GARRE1: variants seen among roughly 807,000 people sequenced by gnomAD.
GARRE1 encodes the protein granule associated Rac and RHOG effector protein 1.
GARRE1 carries 49 observed loss-of-function variants against 103.2 expected under a neutral mutation model. The observed-to-expected ratio is 0.47, with a 90% CI of 0.38 to 0.60. The LOEUF is 0.60. GARRE1 is among the 20% of genes least tolerant of loss of function. The pLI is 0.00. For synonymous variants in GARRE1, 505 were observed against 532.8 expected (o/e 0.95, Z 0.72); for missense variants, 1,199 against 1,370.5 (o/e 0.87, Z 1.98).
intron 1 of GARRE1, among the ~76,000 whole-genome samples, chr19:34,294,729 G>A (rs550652346): frequency 3.1e-3 from 469 of 152,172 alleles, no homozygotes; most frequent in African/African-American, 0.011. Flanking sequence ...TTTTCAGACA[G>A]AGTCTCTCTC....
rs530387778 is a variant in GARRE1, at chr19:34,339,996, G to A, written c.1487+4G>A. On this transcript the variant is annotated splice_donor_region_variant and intron_variant, in intron 9 of 13. Coordinates refer to ENST00000299505, the MANE Select transcript of GARRE1 (RefSeq NM_014686.5). The stretch of plus-strand genomic sequence containing the variant: ...TAAACCGCTGGAGGGCTGGAAGGTT[G>A]GTGTCTGTGGTTTGCATTAGATGCA... 1 of 1,614,172 alleles carries A rather than the reference G, an allele frequency of 6.2e-7. No individual in the cohort carries two copies. The highest frequency in any genetic ancestry group is 1.1e-5 in the South Asian group (1 of 91,088).
At chr19:34,280,548 T>C (rs560286238) in intron 1 of GARRE1, among the ~76,000 whole-genome samples, 46 of 152,286 alleles carry the variant, frequency 3.0e-4, no homozygotes, top group African/African-American at 9.9e-4. Context: ...CCTAAAAGTT[T>C]TGATTTTGAA....
At chr19:34,341,366 T>G in intron 9 of GARRE1, 56 bp from the exon 10 acceptor site, 1 of 1,429,698 alleles carries the variant, frequency 7.0e-7, no homozygotes, top group Non-Finnish European at 9.5e-7. Context: ...AGAGGTCCAT[T>G]TTATTATTTT....
intron 3 of GARRE1, among the ~76,000 whole-genome samples, chr19:34,320,883 T>C (rs2074084363): frequency 6.8e-6 from 1 of 147,096 alleles, no homozygotes; most frequent in African/African-American, 2.5e-5. Flanking sequence ...CCACCATGTC[T>C]AGCTTATTAT....
intron 6 of GARRE1, among the ~76,000 whole-genome samples, chr19:34,328,424 G>A (rs1227341633): frequency 1.3e-5 from 2 of 151,562 alleles, no homozygotes; most frequent in Admixed American, 6.6e-5. Flanking sequence ...AGCTGTTCGG[G>A]AAGCTGAGGC....
chr19:34,302,551 C>T (rs928413517), intron 2 of GARRE1, among the ~76,000 whole-genome samples: 1 of 152,004 alleles, frequency 6.6e-6, no homozygotes, highest in African/African-American at 2.4e-5. Context: ...GCCTCAGCGT[C>T]CCAAAGTGTT....
chr19:34,330,005 A>G (rs372267826), intron 6 of GARRE1, among the ~76,000 whole-genome samples, 184 bp from the exon 7 acceptor site: 3 of 152,176 alleles, frequency 2.0e-5, no homozygotes, highest in Non-Finnish European at 4.4e-5. Flanking sequence ...GAATCACATA[A>G]GCCTGAGGGG....
rs1164199551 is a variant in GARRE1, at chr19:34,306,310, A to C, written c.495+5342A>C. ...AAGCTCTGGATTCGAGAGTATTCAA[A>C]TATTTGACCATTTAAGAGTTAGGAC... On this transcript the variant is annotated intron_variant, in intron 2 of 13. Transcript: ENST00000299505. Among the ~76,000 whole-genome samples the C allele has an allele frequency of 2.6e-5, 4 of 152,344 alleles. No homozygotes were observed. The East Asian group carries it at 5.8e-4, about 22-fold the overall frequency.
intron 8 of GARRE1, among the ~76,000 whole-genome samples, chr19:34,335,066 T>C (rs945173520): frequency 5.9e-5 from 9 of 151,478 alleles, no homozygotes; most frequent in African/African-American, 1.9e-4. Flanking sequence ...AAAACCGTTA[T>C]GATGTCATTT....
chr19:34,280,717 G>A (rs1419520680), intron 1 of GARRE1, among the ~76,000 whole-genome samples: 2 of 151,958 alleles, frequency 1.3e-5, no homozygotes, highest in Non-Finnish European at 1.5e-5. Context: ...ATCGTTAATG[G>A]CACTTATTTT....
intron 1 of GARRE1, among the ~76,000 whole-genome samples, chr19:34,265,019 T>C (rs73580709): frequency 0.019 from 2,899 of 152,214 alleles, 102 homozygotes; most frequent in African/African-American, 0.066. Flanking sequence ...TCTGGGCCAC[T>C]GTCAGTTAAG....
At chr19:34,345,648 C>T (rs960544364) in intron 10 of GARRE1, among the ~76,000 whole-genome samples, 1 of 152,038 alleles carries the variant, frequency 6.6e-6, no homozygotes, top group Non-Finnish European at 1.5e-5. Flanking sequence ...GGCGAAACCC[C>T]GTCTCTACCA....
chr19:34,322,029 G>A (rs2074091799), intron 3 of GARRE1, among the ~76,000 whole-genome samples: 1 of 152,132 alleles, frequency 6.6e-6, no homozygotes, highest in Non-Finnish European at 1.5e-5. Flanking sequence ...GGGGATTCTA[G>A]CCTAGCGCAG....
At position 34,309,037 on chromosome 19, in the gene GARRE1, C is replaced by T. The variant is rs546844186; in HGVS notation, c.495+8069C>T. Among the ~76,000 whole-genome samples, 8 of 151,372 alleles carry T rather than the reference C, an allele frequency of 5.3e-5. No homozygotes were observed. The South Asian group carries it at 1.7e-3, about 32-fold the overall frequency. Reference sequence around the variant, plus strand: ...CTGATGTGCTGCAGCAAGAACCGCACAACACATCTAATATTAATAATATTC... The same window carrying T: ...CTGATGTGCTGCAGCAAGAACCGCATAACACATCTAATATTAATAATATTC... On this transcript the variant is annotated intron_variant, in intron 2 of 13. Coordinates refer to ENST00000299505, the MANE Select transcript of GARRE1 (RefSeq NM_014686.5).
At chr19:34,298,790 G>C (rs1189586511) in intron 1 of GARRE1, among the ~76,000 whole-genome samples, 1 of 152,208 alleles carries the variant, frequency 6.6e-6, no homozygotes, top group African/African-American at 2.4e-5. Context: ...TGGGAGAGCA[G>C]ATGGTTTCAA....
In GARRE1 at chr19:34,331,956, A is replaced by T. The variant is rs539766804; in HGVS notation, c.1263+1609A>T. Among the ~76,000 whole-genome samples, 246 of 151,108 alleles carry T rather than the reference A, an allele frequency of 1.6e-3. 2 individuals are homozygous for T. The highest frequency in any genetic ancestry group is 1.7e-3 in the Non-Finnish European group (118 of 67,878). On this transcript the variant is annotated intron_variant, in intron 7 of 13. Transcript: ENST00000299505. ...CAGTGAGCCGAGATTGTGCCACTGC[A>T]CTCCAGCCTGGGTCATAGAGTAAGA...
intron 1 of GARRE1, among the ~76,000 whole-genome samples, chr19:34,256,179 T>A (rs985193485): frequency 6.6e-6 from 1 of 151,930 alleles, no homozygotes; most frequent in Non-Finnish European, 1.5e-5. Flanking sequence ...TTTGTTTTCC[T>A]TTGACATATT....
intron 1 of GARRE1, among the ~76,000 whole-genome samples, chr19:34,288,489 G>A (rs1309178587): frequency 6.6e-6 from 1 of 152,160 alleles, no homozygotes; most frequent in Non-Finnish European, 1.5e-5. Flanking sequence ...TTTCGTCTGG[G>A]CAGAACCATA....
chr19:34,327,727 A>G, intron 4 of GARRE1, 44 bp from the exon 5 acceptor site: 1 of 1,558,820 alleles, frequency 6.4e-7, no homozygotes, highest in Admixed American at 1.7e-5. Flanking sequence ...GTCATCTTAT[A>G]ATTTGCTTTA....
Sources: allele counts gnomAD v4.1 joint callset (sites outside exome capture counted in the v4.1 genomes callset), GRCh38; gene constraint gnomAD v4.1.1; transcripts MANE v1.5; gene names NCBI Gene and HGNC (gene_info 2026-07-23, HGNC 2026-07-21).